The following SNTG1 variants were observed in gnomAD, a reference collection of about 807,000 sequenced individuals.
SNTG1 encodes the protein syntrophin gamma 1, also known as gamma-1-syntrophin.
In SNTG1, 39 loss-of-function variants were observed where a neutral mutation model predicts 74.7. That is an observed-to-expected ratio of 0.52 (90% CI 0.40 to 0.68). The LOEUF is 0.68. Ranked by LOEUF, SNTG1 falls within the 30% of genes least tolerant of loss-of-function variation. SNTG1 has a pLI of 0.00. For missense variants in SNTG1, 685 were observed against 609.5 expected, an observed-to-expected ratio of 1.12 and a Z score of -1.30; for synonymous variants, 254 against 217.1, an observed-to-expected ratio of 1.17 and a Z score of -1.49.
chr8:50,529,452 G>A (rs2094248539), intron 9 of SNTG1, among the ~76,000 whole-genome samples: 2 of 152,002 alleles, frequency 1.3e-5, no homozygotes, highest in South Asian at 4.2e-4. Context: ...AATATTAATT[G>A]AGCGTCAATT....
At chr8:50,559,732 GGATTAAA>G (rs2094476116) in intron 12 of SNTG1, among the ~76,000 whole-genome samples, 1 of 151,868 alleles carries the variant, frequency 6.6e-6, no homozygotes, top group Non-Finnish European at 1.5e-5. Flanking sequence ...AACTCAAGAT[GGATTAAA>G]GACCTAAACG....
chr8:50,299,174 A>G (rs1057177840), intron 2 of SNTG1, among the ~76,000 whole-genome samples: 22 of 152,086 alleles, frequency 1.4e-4, no homozygotes, highest in African/African-American at 5.1e-4. Flanking sequence ...ATTTAAGGGT[A>G]CCATGAGAAA....
At chr8:49,938,088 T>A (rs985436492) in intron 1 of SNTG1, among the ~76,000 whole-genome samples, 2 of 152,196 alleles carry the variant, frequency 1.3e-5, no homozygotes, top group Admixed American at 6.5e-5. Context: ...TTCAAATCCA[T>A]GCCATGCCAC....
chr8:50,519,228 G>T (rs539608944), intron 9 of SNTG1, among the ~76,000 whole-genome samples: 19 of 152,280 alleles, frequency 1.2e-4, no homozygotes, highest in African/African-American at 4.3e-4. Context: ...AATAGATGCA[G>T]AAAAGGCCTT....
At chr8:50,229,217 G>T (rs1057399120) in intron 2 of SNTG1, among the ~76,000 whole-genome samples, 1 of 151,420 alleles carries the variant, frequency 6.6e-6, no homozygotes, top group Non-Finnish European at 1.5e-5. Flanking sequence ...AAAAGCAAAT[G>T]CAACACATTG....
At chr8:50,317,676 G>A (rs1164436748) in intron 2 of SNTG1, among the ~76,000 whole-genome samples, 1 of 152,158 alleles carries the variant, frequency 6.6e-6, no homozygotes, top group South Asian at 2.1e-4. Context: ...CTCTGGAAAA[G>A]AGCTAGAACA....
At chr8:50,128,966 A>G (rs774696939) in intron 1 of SNTG1, among the ~76,000 whole-genome samples, 41 of 152,108 alleles carry the variant, frequency 2.7e-4, no homozygotes, top group Admixed American at 1.5e-3. Flanking sequence ...CAGATCATGA[A>G]ATTACTTTGA....
intron 13 of SNTG1, among the ~76,000 whole-genome samples, chr8:50,652,313 T>C (rs373708014): frequency 5.3e-5 from 8 of 152,254 alleles, no homozygotes; most frequent in South Asian, 2.1e-4. Context: ...TTTTGTTGAG[T>C]CAAGTGTCTT....
intron 12 of SNTG1, among the ~76,000 whole-genome samples, chr8:50,586,529 C>T (rs933113884): frequency 4.6e-5 from 7 of 152,080 alleles, no homozygotes; most frequent in African/African-American, 1.7e-4. Flanking sequence ...ATGCCATTGT[C>T]TCTGCATGGG....
chr8:50,126,125 G>A (rs2081130830), intron 1 of SNTG1, among the ~76,000 whole-genome samples: 1 of 152,070 alleles, frequency 6.6e-6, no homozygotes, highest in Admixed American at 6.6e-5. Flanking sequence ...GAAAGGTGAA[G>A]TGAAAAAGAG....
intron 15 of SNTG1, among the ~76,000 whole-genome samples, chr8:50,668,523 A>ATTG: frequency 1.5e-5 from 1 of 64,682 alleles, no homozygotes; most frequent in South Asian, 4.1e-4. Context: ...TATTATTATT[A>ATTG]TTATTATTAT....
intron 1 of SNTG1, among the ~76,000 whole-genome samples, chr8:49,955,658 G>A (rs1810090282): frequency 6.6e-6 from 1 of 152,188 alleles, no homozygotes; most frequent in Non-Finnish European, 1.5e-5. Context: ...CAGAAAGGGA[G>A]GAGTTCCCAA....
At chr8:50,702,832 G>C (rs1056349582) in intron 15 of SNTG1, among the ~76,000 whole-genome samples, 1 of 152,130 alleles carries the variant, frequency 6.6e-6, no homozygotes, top group Admixed American at 6.5e-5. Context: ...TATAGCATAT[G>C]ACTGTATTGA....
chr8:50,321,871 T>A (rs889853192), intron 2 of SNTG1, among the ~76,000 whole-genome samples: 1 of 152,144 alleles, frequency 6.6e-6, no homozygotes, highest in Admixed American at 6.5e-5. Flanking sequence ...TCTATTTACA[T>A]CTTATTTTAC....
chr8:50,777,863 C>A (rs573760345), intron 18 of SNTG1, among the ~76,000 whole-genome samples: 2 of 152,048 alleles, frequency 1.3e-5, no homozygotes, highest in African/African-American at 2.4e-5. Flanking sequence ...TCCCCCCACC[C>A]GACAACAGTC....
intron 2 of SNTG1, among the ~76,000 whole-genome samples, chr8:50,217,517 G>A (rs1586730987): frequency 6.6e-6 from 1 of 152,202 alleles, no homozygotes; most frequent in South Asian, 2.1e-4. Flanking sequence ...TCTGTATACT[G>A]AAAATAGGCC....
intron 1 of SNTG1, among the ~76,000 whole-genome samples, chr8:50,062,139 G>T (rs1820528523): frequency 6.6e-6 from 1 of 152,138 alleles, no homozygotes; most frequent in Non-Finnish European, 1.5e-5. Context: ...CACTTCCTGG[G>T]TTCAAGCGAT....
chr8:50,670,968 G>T (rs1322817676), intron 15 of SNTG1, among the ~76,000 whole-genome samples: 1 of 150,810 alleles, frequency 6.6e-6, no homozygotes, highest in Admixed American at 6.6e-5. Context: ...AATAAATGGT[G>T]CTGGGAAAAC....
At chr8:50,251,526 G>A (rs981166465) in intron 2 of SNTG1, among the ~76,000 whole-genome samples, 4 of 151,508 alleles carry the variant, frequency 2.6e-5, no homozygotes, top group Non-Finnish European at 4.4e-5. Flanking sequence ...GTAAAAGGAT[G>A]GAAAAATATA....
Sources: gnomAD v4.1 joint callset for allele counts (sites outside exome capture counted in the v4.1 genomes callset) on GRCh38, gnomAD v4.1.1 for gene constraint, MANE v1.5 for transcripts, NCBI Gene and HGNC (gene_info 2026-07-23, HGNC 2026-07-21) for gene names.